The following KLHL32 variants were observed in gnomAD, a reference collection of about 807,000 sequenced individuals.
KLHL32 encodes kelch-like protein 32.
KLHL32 carries 35 observed loss-of-function variants against 64.8 expected under a neutral mutation model. That is an observed-to-expected ratio of 0.54 (90% CI 0.41 to 0.72). The LOEUF (loss-of-function observed/expected upper bound fraction) is 0.72. KLHL32 is among the 30% of genes least tolerant of loss of function. The pLI, the probability that KLHL32 is intolerant of heterozygous loss-of-function variation, is 0.00. For missense variants in KLHL32, 589 were observed against 768.5 expected (o/e 0.77, Z 2.76); for synonymous variants, 259 against 281.0 (o/e 0.92, Z 0.78).
At chr6:97,095,768 G>T (rs1212943210) in intron 6 of KLHL32, among the ~76,000 whole-genome samples, 1 of 152,232 alleles carries the variant, frequency 6.6e-6, no homozygotes, top group Non-Finnish European at 1.5e-5. Flanking sequence ...GCTGAGGAAT[G>T]CAGCCCTTGA....
intron 7 of KLHL32, among the ~76,000 whole-genome samples, chr6:97,122,276 A>G (rs991524313): frequency 6.6e-6 from 1 of 152,234 alleles, no homozygotes; most frequent in Non-Finnish European, 1.5e-5. Flanking sequence ...GGTTTTGAGT[A>G]TATTAAGTAC....
At chr6:96,994,665 C>A in intron 3 of KLHL32, 1 of 970,276 alleles carries the variant, frequency 1.0e-6, no homozygotes, top group Non-Finnish European at 1.2e-6. Flanking sequence ...TGATTAGTTG[C>A]GTGCAAAGTA....
chr6:97,087,642 G>A (rs1290136897), intron 6 of KLHL32, among the ~76,000 whole-genome samples: 2 of 152,156 alleles, frequency 1.3e-5, no homozygotes, highest in Non-Finnish European at 2.9e-5. Context: ...AGGGGGGCGT[G>A]CTATTTGATT....
chr6:97,003,719 T>A, intron 3 of KLHL32, among the ~76,000 whole-genome samples: 1 of 152,232 alleles, frequency 6.6e-6, no homozygotes, highest in South Asian at 2.1e-4. Context: ...GGCTAGCTAG[T>A]TATACCAGCA....
At chr6:97,119,019 A>G (rs1798096040) in intron 7 of KLHL32, among the ~76,000 whole-genome samples, 1 of 152,126 alleles carries the variant, frequency 6.6e-6, no homozygotes, top group Non-Finnish European at 1.5e-5. Context: ...GCTACTTTCT[A>G]TTATCCATTA....
chr6:96,981,391 G>C (rs994419193), intron 3 of KLHL32, among the ~76,000 whole-genome samples: 2 of 152,056 alleles, frequency 1.3e-5, no homozygotes, highest in Non-Finnish European at 2.9e-5. Context: ...TGTGAAGTTG[G>C]AAGTAATATT....
chr6:97,000,924 C>A (rs1251868772), intron 3 of KLHL32, among the ~76,000 whole-genome samples: 1 of 152,062 alleles, frequency 6.6e-6, no homozygotes, highest in Non-Finnish European at 1.5e-5. Flanking sequence ...TGAATGAAGC[C>A]AGTCTAAAAA....
At chr6:97,054,783 G>T (rs532637855) in intron 4 of KLHL32, among the ~76,000 whole-genome samples, 1 of 152,232 alleles carries the variant, frequency 6.6e-6, no homozygotes, top group South Asian at 2.1e-4. Context: ...GTCAAAGTAG[G>T]AACAACTTGG....
In KLHL32 at chr6:97,098,319, G is replaced by C. The variant is rs150101256; in HGVS notation, c.627+12978G>C. Among the ~76,000 whole-genome samples, 73 of 152,174 alleles carry C rather than the reference G, an allele frequency of 4.8e-4. 1 individual carries two copies. The East Asian group carries it at 0.013, about 26-fold the overall frequency. On this transcript the variant is annotated intron_variant, in intron 6 of 10. Coordinates refer to ENST00000369261, the MANE Select transcript of KLHL32 (RefSeq NM_052904.4). ...GCATAGTGGTCTCATCATATATTAG[G>C]CACCTGAGAGCTAGAATCGTTTTGC...
chr6:97,041,919 C>T (rs995665661), intron 4 of KLHL32, among the ~76,000 whole-genome samples: 3 of 151,904 alleles, frequency 2.0e-5, no homozygotes, highest in African/African-American at 7.3e-5. Flanking sequence ...CACTGAAGCT[C>T]GGTGACTCAA....
intron 6 of KLHL32, among the ~76,000 whole-genome samples, chr6:97,088,231 G>T (rs1187074880): frequency 6.6e-6 from 1 of 152,100 alleles, no homozygotes; most frequent in Non-Finnish European, 1.5e-5. Context: ...GTTCAATTCA[G>T]CTCAACAATT....
intron 3 of KLHL32, among the ~76,000 whole-genome samples, chr6:96,981,683 C>T (rs1445255894): frequency 6.6e-6 from 1 of 152,000 alleles, no homozygotes; most frequent in African/African-American, 2.4e-5. Context: ...TTGATATGGG[C>T]ATTTAGTACT....
intron 3 of KLHL32, among the ~76,000 whole-genome samples, chr6:97,019,064 C>T (rs1207803273): frequency 6.6e-6 from 1 of 152,128 alleles, no homozygotes; most frequent in African/African-American, 2.4e-5. Flanking sequence ...TCATTAAAAT[C>T]AGAAATCTGT....
intron 8 of KLHL32, among the ~76,000 whole-genome samples, chr6:97,129,746 G>A (rs748999770): frequency 2.0e-5 from 3 of 152,106 alleles, no homozygotes; most frequent in South Asian, 4.1e-4. Context: ...GCCAGGTTTG[G>A]TGGCACTTGC....
intron 3 of KLHL32, among the ~76,000 whole-genome samples, chr6:96,995,978 G>A (rs958980001): frequency 2.0e-5 from 3 of 152,344 alleles, no homozygotes; most frequent in African/African-American, 7.2e-5. Context: ...AAGTGAGGAA[G>A]TATTGAAACA....
At chr6:96,980,564 A>C (rs1776190793) in intron 3 of KLHL32, among the ~76,000 whole-genome samples, 1 of 152,014 alleles carries the variant, frequency 6.6e-6, no homozygotes, top group Non-Finnish European at 1.5e-5. Flanking sequence ...TTGATTTGCT[A>C]GTATTTTGTT....
At chr6:96,936,645 C>T (rs1186666375) in intron 1 of KLHL32, among the ~76,000 whole-genome samples, 1 of 152,222 alleles carries the variant, frequency 6.6e-6, no homozygotes, top group Non-Finnish European at 1.5e-5. Flanking sequence ...CAGCAGATCC[C>T]CAGAAGGTCT....
intron 1 of KLHL32, among the ~76,000 whole-genome samples, chr6:96,936,900 G>C (rs889416037): frequency 2.6e-5 from 4 of 152,058 alleles, no homozygotes; most frequent in African/African-American, 9.7e-5. Flanking sequence ...CAGGCCCACT[G>C]TCTTACCTCC....
intron 4 of KLHL32, among the ~76,000 whole-genome samples, chr6:97,062,874 G>C (rs1789137674): frequency 6.6e-6 from 1 of 152,192 alleles, no homozygotes; most frequent in East Asian, 1.9e-4. Flanking sequence ...GTTCAGGGGT[G>C]GGTTACTGTT....
Sources: allele counts gnomAD v4.1 joint callset (sites outside exome capture counted in the v4.1 genomes callset), GRCh38; gene constraint gnomAD v4.1.1; transcripts MANE v1.5; gene names NCBI Gene and HGNC (gene_info 2026-07-23, HGNC 2026-07-21).